The following RYR3 variants were observed in gnomAD, a reference collection of about 807,000 sequenced individuals.
The protein encoded by RYR3 is ryanodine receptor 3.
Under a neutral mutation model 584.3 loss-of-function variants are expected in RYR3, and 207 were observed. The observed-to-expected ratio is 0.35, with a 90% CI of 0.32 to 0.40. The LOEUF is 0.40. Ranked by LOEUF, RYR3 falls within the 10% of genes least tolerant of loss-of-function variation. The pLI is 1.00. For synonymous variants in RYR3, 2,416 were observed against 2,248.5 expected, an observed-to-expected ratio of 1.07 and a Z score of -2.11; for missense variants, 5,616 against 6,089.2, an observed-to-expected ratio of 0.92 and a Z score of 2.59.
At chr15:33,854,518 T>A (rs534077634) in intron 97 of RYR3, 69 bp downstream of exon 97, 1 of 1,319,780 alleles carries the variant, frequency 7.6e-7, no homozygotes, top group African/African-American at 1.5e-5. Flanking sequence ...AAGCAAGCTA[T>A]GCAGGATGCT....
In RYR3 at chr15:33,821,259, T is replaced by A. The variant is rs2077089855; in HGVS notation, c.10816-11T>A. On this transcript the variant is annotated splice_polypyrimidine_tract_variant and intron_variant, in intron 78 of 103. Transcript: ENST00000634891. ...GAACCAATCTTTCCCTGTGATTTTT[T>A]TTCCCCCCAGGAGAAAGAGATGGAG... 4 of 1,580,882 alleles carry A rather than the reference T, an allele frequency of 2.5e-6. No individual in the cohort carries two copies. In the South Asian group the frequency reaches 4.7e-5, roughly 18 times the overall value.
intron 57 of RYR3, among the ~76,000 whole-genome samples, chr15:33,750,916 C>A (rs963235910): frequency 2.0e-5 from 3 of 152,134 alleles, no homozygotes; most frequent in Admixed American, 6.5e-5. Context: ...GTTCCCCGCC[C>A]TGTGTCCATG....
At chr15:33,751,312 T>C (rs2071281022) in intron 57 of RYR3, among the ~76,000 whole-genome samples, 1 of 152,246 alleles carries the variant, frequency 6.6e-6, no homozygotes, top group Admixed American at 6.5e-5. Context: ...ATTGCCACAC[T>C]GTCTTCCACA....
intron 27 of RYR3, among the ~76,000 whole-genome samples, chr15:33,642,384 TA>T (rs1341621078): frequency 6.6e-6 from 1 of 152,238 alleles, no homozygotes; most frequent in Non-Finnish European, 1.5e-5. Flanking sequence ...GGCTCCAAGA[TA>T]AACCTATACT....
intron 18 of RYR3, 84 bp from the exon 19 acceptor site, chr15:33,613,099 C>T: frequency 6.0e-6 from 6 of 1,006,590 alleles, no homozygotes; most frequent in Non-Finnish European, 9.2e-6. Flanking sequence ...ACCTCCCCAC[C>T]TCCCGCAGAG....
intron 1 of RYR3, among the ~76,000 whole-genome samples, chr15:33,358,821 T>G (rs1974347794): frequency 6.6e-6 from 1 of 152,324 alleles, no homozygotes. Context: ...TGAGGGACGA[T>G]GAGTGTTCTT....
chr15:33,352,205 A>G (rs928285265), intron 1 of RYR3, among the ~76,000 whole-genome samples: 1 of 152,102 alleles, frequency 6.6e-6, no homozygotes, highest in Non-Finnish European at 1.5e-5. Flanking sequence ...GTCTTTATCA[A>G]ATCCTTACAT....
In RYR3 at chr15:33,550,191, G is replaced by C. The variant is rs376389929; in HGVS notation, c.847G>C (p.Ala283Pro). 43 of 1,613,746 alleles carry C rather than the reference G, an allele frequency of 2.7e-5. No homozygotes were observed. Among genetic ancestry groups the C allele is most frequent in the Non-Finnish European group, 3.2e-5 (38 of 1,179,840 alleles). ...WSGSNIRWGQ[A>P]FRLRHLTTGH... ...TGGCAGTAACATCAGATGGGGCCAG[G>C]CTTTCCGACTCCGGCATCTCACCAC... Residue 283 changes from alanine (A) to proline (P), a missense_variant, in exon 10 of 104, where the codon GCT (alanine) becomes CCT (proline). This residue lies in a region of RYR3 where 1,284 missense variants were observed against 1,344.6 expected (regional missense o/e 0.95). Transcript: ENST00000634891.
intron 20 of RYR3, among the ~76,000 whole-genome samples, chr15:33,625,203 C>A (rs547860866): frequency 6.7e-6 from 1 of 150,218 alleles, no homozygotes; most frequent in African/African-American, 2.5e-5. Flanking sequence ...TTTAAGCCAT[C>A]AGATCTTATG....
intron 1 of RYR3, among the ~76,000 whole-genome samples, chr15:33,437,347 T>A (rs1480828704): frequency 1.3e-5 from 2 of 152,232 alleles, no homozygotes; most frequent in Non-Finnish European, 2.9e-5. Flanking sequence ...TTCCTCATGG[T>A]TACGGCATGG....
chr15:33,336,455 AG>A (rs1567046447), intron 1 of RYR3, among the ~76,000 whole-genome samples: 7 of 29,018 alleles, frequency 2.4e-4, no homozygotes, highest in African/African-American at 1.4e-3. Flanking sequence ...AGAGAGAGAG[AG>A]AGAGAGAGAG....
chr15:33,566,022 A>G (rs547358295), intron 11 of RYR3, among the ~76,000 whole-genome samples: 2 of 152,238 alleles, frequency 1.3e-5, no homozygotes, highest in African/African-American at 4.8e-5. Context: ...CTATTTGCAG[A>G]TGGTGAAATC....
At position 33,631,196 on chromosome 15, in the gene RYR3, C is replaced by T; in HGVS notation, c.2784-14C>T. The T allele has an allele frequency of 6.5e-7, 1 of 1,533,060 alleles. No homozygotes were observed. Among genetic ancestry groups the T allele is most frequent in the Non-Finnish European group, 8.9e-7 (1 of 1,124,018 alleles). The allele number at this position is 1,533,060 out of a possible 1,614,324, so 95.0% of individuals were successfully genotyped here. On this transcript the variant is annotated splice_polypyrimidine_tract_variant and intron_variant, in intron 22 of 103. Coordinates refer to ENST00000634891, the MANE Select transcript of RYR3 (RefSeq NM_001036.6). ...TGCAGTTAACCTTAGTCTTCTCCTTCTGTTGTGTCACAGAACCCTCTTGGC... is the reference window on the plus strand; with the variant it reads ...TGCAGTTAACCTTAGTCTTCTCCTTTTGTTGTGTCACAGAACCCTCTTGGC...
rs776077614 is a variant in RYR3 at position 33,810,660 on chromosome 15, C to T, written c.10197+11C>T. On this transcript the variant is annotated intron_variant, in intron 71 of 103. Transcript: ENST00000634891. ...TCGCGATACAGCCATGTAAGCTGCC[C>T]GTCTGCCTGGGCTGAGTGTGTGATC... The T allele has an allele frequency of 5.8e-5, 93 of 1,613,762 alleles. No homozygotes were observed. The highest frequency in any genetic ancestry group is 7.0e-5 in the Non-Finnish European group (82 of 1,179,842).
chr15:33,554,574 G>T (rs1023797293), intron 10 of RYR3, among the ~76,000 whole-genome samples: 5 of 152,138 alleles, frequency 3.3e-5, no homozygotes, highest in Admixed American at 2.6e-4. Context: ...GGGATTACAG[G>T]CGTGAGCCAC....
rs1428716201 is a variant in RYR3, at chr15:33,644,307, G to T, written c.3557-4G>T. On this transcript the variant is annotated splice_polypyrimidine_tract_variant and splice_region_variant and intron_variant, in intron 27 of 103. Transcript: ENST00000634891. Reference sequence around the variant, plus strand: ...TAAAGCAGGTCTCTCTAACTCTTCTGCAGGCTTCGTGCCCATCTGCTGTCT... The same window carrying T: ...TAAAGCAGGTCTCTCTAACTCTTCTTCAGGCTTCGTGCCCATCTGCTGTCT... 4.4e-6 allele frequency: 7 copies of T among 1,606,304 alleles called. No homozygotes were observed. The highest frequency in any genetic ancestry group is 6.0e-6 in the Non-Finnish European group (7 of 1,176,322).
intron 2 of RYR3, among the ~76,000 whole-genome samples, chr15:33,485,062 G>A (rs981764506): frequency 6.6e-6 from 1 of 152,134 alleles, no homozygotes; most frequent in Non-Finnish European, 1.5e-5. Flanking sequence ...CGATAAGAAG[G>A]AACATCCTGA....
chr15:33,415,971 G>C (rs936829066), intron 1 of RYR3, among the ~76,000 whole-genome samples: 10 of 152,100 alleles, frequency 6.6e-5, no homozygotes, highest in African/African-American at 9.7e-5. Flanking sequence ...TTCTGTTTCT[G>C]TGTTAATTCA....
intron 32 of RYR3, among the ~76,000 whole-genome samples, chr15:33,653,467 T>C (rs2152690459): frequency 6.6e-6 from 1 of 152,116 alleles, no homozygotes; most frequent in Non-Finnish European, 1.5e-5. Flanking sequence ...GTCAGGAGAT[T>C]GAGACCATCC....
Sources: gnomAD v4.1 joint callset for allele counts (sites outside exome capture counted in the v4.1 genomes callset) on GRCh38, gnomAD v4.1.1 for gene constraint, gnomAD v4.1.1 regional missense constraint, MANE v1.5 for transcripts, NCBI Gene and HGNC (gene_info 2026-07-23, HGNC 2026-07-21) for gene names.